The following DBX2 variants were observed in gnomAD, a reference collection of about 807,000 sequenced individuals.
The protein encoded by DBX2 is homeobox protein DBX2.
A neutral mutation model predicts 17.7 loss-of-function variants in DBX2; 16 were observed. That is an observed-to-expected ratio of 0.90 (90% CI 0.61 to 1.37). DBX2 has a LOEUF of 1.37. DBX2 is among the 40% of genes most tolerant of loss of function. The pLI is 0.00. For synonymous variants in DBX2, 255 were observed against 183.8 expected (o/e 1.39, Z -3.13); for missense variants, 538 against 433.8 (o/e 1.24, Z -2.13).
intron 2 of DBX2, among the ~76,000 whole-genome samples, chr12:45,025,925 T>A (rs1946378936): frequency 6.6e-6 from 1 of 151,000 alleles, no homozygotes; most frequent in Non-Finnish European, 1.5e-5. Flanking sequence ...AGGAATAAAG[T>A]CTATCCAAGG....
rs746897983 is a variant in DBX2, at chr12:45,050,897, C to G, written c.31G>C (p.Gly11Arg). 1.3e-6 allele frequency: 2 copies of G among 1,515,134 alleles called. No individual in the cohort carries two copies. Among genetic ancestry groups the G allele is most frequent in the South Asian group, 1.3e-5 (1 of 79,546 alleles). 93.9% of individuals were successfully genotyped at this position (1,515,134 alleles called of 1,614,324 possible). ...GAAGCCACAACGTCCCAGTACGCAC[C>G]GGCGTGGGCTGCGACCGCGCTGGGG... The part of the protein sequence containing the change: MLPSAVAAHA[G>R]AYWDVVASSA... Residue 11 changes from glycine to arginine, a missense_variant, in exon 1 of 4, where the codon GGT becomes CGT. Coordinates refer to ENST00000332700, the MANE Select transcript of DBX2 (RefSeq NM_001004329.3).
At chr12:45,016,650 C>T (rs1318560205) in intron 3 of DBX2, 32 bp from the exon 4 acceptor site, 1 of 1,506,192 alleles carries the variant, frequency 6.6e-7, no homozygotes, top group Admixed American at 2.4e-5. Flanking sequence ...AAAATGATCA[C>T]TTATTCCAGG....
chr12:45,032,745 A>G (rs1447955716), intron 2 of DBX2, among the ~76,000 whole-genome samples: 1 of 152,188 alleles, frequency 6.6e-6, no homozygotes, highest in East Asian at 1.9e-4. Flanking sequence ...GCTGCTCCAA[A>G]TTTAACCTTT....
chr12:45,050,507 A>AG lies in DBX2; in HGVS notation c.403+17dup. The stretch of plus-strand genomic sequence containing the variant: ...GGGGCGCGGGCGCGGCTGGGGAGGG[A>AG]GGGGAGAGCTGGCTCACCTGGCGCT... On this transcript the variant is annotated intron_variant, in intron 1 of 3. Transcript: ENST00000332700. 6.5e-7 allele frequency: 1 copy of AG among 1,540,570 alleles called. No homozygotes were observed. Among genetic ancestry groups the AG allele is most frequent in the Non-Finnish European group, 8.7e-7 (1 of 1,144,602 alleles).
chr12:45,035,899 T>G, intron 2 of DBX2, 120 bp downstream of exon 2: 1 of 916,096 alleles, frequency 1.1e-6, no homozygotes, highest in South Asian at 1.8e-5. Context: ...CGCTGTGACT[T>G]TTAGTGAGGA....
At chr12:45,023,666 A>G in intron 3 of DBX2, 41 bp downstream of exon 3, 1 of 1,610,656 alleles carries the variant, frequency 6.2e-7, no homozygotes, top group East Asian at 2.2e-5. Flanking sequence ...CTGATCTCAG[A>G]AGAAATCAGA....
intron 2 of DBX2, among the ~76,000 whole-genome samples, chr12:45,034,122 CCACACCCACA>C (rs987528993): frequency 8.2e-6 from 1 of 122,124 alleles, no homozygotes; most frequent in Non-Finnish European, 1.9e-5. Context: ...ACACACACAC[CCACACCCACA>C]CACACACACA....
chr12:45,016,755 C>T, intron 3 of DBX2, 137 bp from the exon 4 acceptor site: 1 of 662,966 alleles, frequency 1.5e-6, no homozygotes, highest in East Asian at 3.3e-5. Context: ...GTCCTTGTGG[C>T]TTTTCACATG....
chr12:45,030,057 C>T (rs1367563799), intron 2 of DBX2, among the ~76,000 whole-genome samples: 2 of 151,888 alleles, frequency 1.3e-5, no homozygotes, highest in East Asian at 3.9e-4. Context: ...GTGAAGGGCG[C>T]TACAAATGGA....
chr12:45,034,458 A>AGACC (rs1946424634), intron 2 of DBX2, among the ~76,000 whole-genome samples: 1 of 152,218 alleles, frequency 6.6e-6, no homozygotes, highest in African/African-American at 2.4e-5. Flanking sequence ...CCCTCACAGG[A>AGACC]GACCACCTTG....
intron 2 of DBX2, among the ~76,000 whole-genome samples, chr12:45,031,979 A>C (rs1483388167): frequency 6.6e-6 from 1 of 151,868 alleles, no homozygotes; most frequent in East Asian, 1.9e-4. Context: ...AGAGAAAACC[A>C]CCCCATATTG....
At chr12:45,044,503 AGAGTT>A (rs1946488905) in intron 1 of DBX2, among the ~76,000 whole-genome samples, 1 of 152,210 alleles carries the variant, frequency 6.6e-6, no homozygotes, top group South Asian at 2.1e-4. Context: ...ATGGTCGCTT[AGAGTT>A]AACAAAAAAT....
intron 3 of DBX2, among the ~76,000 whole-genome samples, chr12:45,020,813 G>A (rs185171504): frequency 1.1e-4 from 17 of 152,014 alleles, no homozygotes; most frequent in Admixed American, 2.6e-4. Context: ...TGGTAAGCAT[G>A]CAAGTGTTTG....
chr12:45,029,298 T>C (rs1946396693), intron 2 of DBX2, among the ~76,000 whole-genome samples: 1 of 152,184 alleles, frequency 6.6e-6, no homozygotes, highest in African/African-American at 2.4e-5. Context: ...AGCTTCCACA[T>C]ATATTGGGGC....
chr12:45,037,214 T>A (rs1946445776), intron 1 of DBX2, among the ~76,000 whole-genome samples: 1 of 152,188 alleles, frequency 6.6e-6, no homozygotes, highest in African/African-American at 2.4e-5. Flanking sequence ...GCACTTACTG[T>A]ATGCTGTGCT....
In DBX2 at chr12:45,038,694, A is replaced by G. The variant is rs182990736; in HGVS notation, c.404-2580T>C. Among the ~76,000 whole-genome samples, 183 of 127,028 alleles carry G rather than the reference A, an allele frequency of 1.4e-3. 15 individuals are homozygous for G. Among genetic ancestry groups the G allele is most frequent in the African/African-American group, 5.3e-3 (134 of 25,370 alleles). 83.3% of individuals were successfully genotyped at this position (127,028 alleles called of 152,430 possible). Reference sequence around the variant, plus strand: ...ATTAAATTCCCAACCCTAGGGCCCTAAAAGTGGGAAAATAAAATATTTTAA... The same window carrying G: ...ATTAAATTCCCAACCCTAGGGCCCTGAAAGTGGGAAAATAAAATATTTTAA... On this transcript the variant is annotated intron_variant, in intron 1 of 3. Coordinates refer to ENST00000332700, the MANE Select transcript of DBX2 (RefSeq NM_001004329.3).
At position 45,045,426 on chromosome 12, in the gene DBX2, A is replaced by C. The variant is rs577117986; in HGVS notation, c.403+5099T>G. On this transcript the variant is annotated intron_variant, in intron 1 of 3. Transcript: ENST00000332700. ...CATTTTTGTATAAACTTTCATAGCAAAGAATCTCAAAGGATTTTATGAACA... is the reference window on the plus strand; with the variant it reads ...CATTTTTGTATAAACTTTCATAGCACAGAATCTCAAAGGATTTTATGAACA... Among the ~76,000 whole-genome samples the C allele has an allele frequency of 2.6e-5, 4 of 152,344 alleles. 1 individual carries two copies. The South Asian group carries it at 8.3e-4, about 32-fold the overall frequency.
intron 1 of DBX2, among the ~76,000 whole-genome samples, chr12:45,043,327 T>C (rs1226437475): frequency 6.6e-6 from 1 of 152,218 alleles, no homozygotes; most frequent in Admixed American, 6.5e-5. Flanking sequence ...CTAAGTCTTA[T>C]GAAGTTCCAG....
chr12:45,037,616 T>G (rs1946447671), intron 1 of DBX2, among the ~76,000 whole-genome samples: 1 of 152,150 alleles, frequency 6.6e-6, no homozygotes, highest in African/African-American at 2.4e-5. Flanking sequence ...TCGTGAATAT[T>G]GTTTCCATAT....
Sources: gnomAD v4.1 joint callset for allele counts (sites outside exome capture counted in the v4.1 genomes callset) on GRCh38, gnomAD v4.1.1 for gene constraint, MANE v1.5 for transcripts, NCBI Gene and HGNC (gene_info 2026-07-23, HGNC 2026-07-21) for gene names.